The following SAP130 variants were observed in gnomAD, a reference collection of about 807,000 sequenced individuals.
The protein encoded by SAP130 is Sin3A associated protein 130.
In SAP130, 16 loss-of-function variants were observed where a neutral mutation model predicts 103.2. The ratio of observed to expected loss-of-function variants is 0.16; its 90% CI spans 0.10 to 0.24. The LOEUF is 0.24. Among genes scored for constraint, SAP130 ranks in the 10% least tolerant of loss-of-function variants. The pLI is 1.00. For synonymous variants in SAP130, 477 were observed against 497.0 expected, an observed-to-expected ratio of 0.96 and a Z score of 0.53; for missense variants, 990 against 1,359.7, an observed-to-expected ratio of 0.73 and a Z score of 4.28.
At chr2:128,020,294 G>C (rs915047852) in intron 2 of SAP130, among the ~76,000 whole-genome samples, 2 of 152,190 alleles carry the variant, frequency 1.3e-5, no homozygotes, top group African/African-American at 4.8e-5. Flanking sequence ...TGGTCCCCCA[G>C]AGACCCTTAG....
At position 127,942,612 on chromosome 2, in the gene SAP130, C is replaced by T. The variant is rs2104834184; in HGVS notation, c.2902-75G>A. ...TGTCAACCCCAGGCAAATGAACCCA[C>T]CTTCAATCACCTTTGTAAACTGTCT... On this transcript the variant is annotated intron_variant, in intron 19 of 20. Transcript: ENST00000643581. This position sits in a 1 kb window ranked among gnomAD's most constrained non-coding sequence, Gnocchi z 4.8. 4 of 803,242 alleles carry T rather than the reference C, an allele frequency of 5.0e-6. No homozygotes were observed. Among genetic ancestry groups the T allele is most frequent in the African/African-American group, 1.7e-5 (1 of 59,344 alleles). 49.8% of individuals were successfully genotyped at this position (803,242 alleles called of 1,614,324 possible).
At chr2:128,021,560 CTATAAAACCTCTTTATTGGGGAATAGATT>C (rs1685164498) in intron 2 of SAP130, among the ~76,000 whole-genome samples, 1 of 151,870 alleles carries the variant, frequency 6.6e-6, no homozygotes, top group Non-Finnish European at 1.5e-5. Flanking sequence ...AAATTTTGAT[CTATAAAACCTCTTTATTGGGGAATAGATT>C]ACATAGAATA....
chr2:127,990,802 A>G (rs1027084983), intron 12 of SAP130, among the ~76,000 whole-genome samples: 2 of 151,944 alleles, frequency 1.3e-5, no homozygotes, highest in Admixed American at 6.6e-5. Flanking sequence ...TTAGCTTGGC[A>G]TCATAACACA....
chr2:127,952,046 C>T (rs1187526769), intron 16 of SAP130, among the ~76,000 whole-genome samples: 2 of 152,242 alleles, frequency 1.3e-5, no homozygotes. Flanking sequence ...CACCCACTCT[C>T]GCCTCCTCAA....
chr2:127,981,005 A>G (rs1260438944), intron 14 of SAP130, among the ~76,000 whole-genome samples: 1 of 152,122 alleles, frequency 6.6e-6, no homozygotes, highest in African/African-American at 2.4e-5. Flanking sequence ...GATTCTATCT[A>G]TCCATTGGTT....
intron 18 of SAP130, among the ~76,000 whole-genome samples, chr2:127,948,541 C>G (rs993347014): frequency 9.2e-5 from 14 of 151,902 alleles, no homozygotes; most frequent in Middle Eastern, 6.8e-3. Context: ...AGGGTTTTAC[C>G]ATGTTGGCCA....
At position 128,016,463 on chromosome 2, in the gene SAP130, G is replaced by T. The variant is rs145919807; in HGVS notation, c.433C>A (p.Gln145Lys). The T allele has an allele frequency of 1.2e-6, 2 of 1,614,042 alleles. No homozygotes were observed. Among genetic ancestry groups the T allele is most frequent in the Non-Finnish European group, 1.7e-6 (2 of 1,179,988 alleles). ...CTACTCTCCATGGTAACGGTAACCT[G>T]CCCTGGAACCTTGGGGGGAAGTGAC... ...TLSLPPKVPG[Q>K]VTVTMESSIP... is the part of the protein sequence containing the mutation. Residue 145 changes from glutamine to lysine, a missense_variant, in exon 4 of 21, where the codon CAG becomes AAG. By Grantham distance (53) the Gln-to-Lys change is moderately conservative. Transcript: ENST00000643581.
chr2:128,019,056 G>A (rs1477731306), intron 2 of SAP130, among the ~76,000 whole-genome samples: 3 of 151,776 alleles, frequency 2.0e-5, no homozygotes, highest in East Asian at 1.9e-4. Flanking sequence ...CTGAGATTGC[G>A]CCACTGCACT....
At chr2:128,017,948 C>A in intron 2 of SAP130, 33 bp from the exon 3 acceptor site, 1 of 1,549,906 alleles carries the variant, frequency 6.5e-7, no homozygotes, top group South Asian at 1.1e-5. Context: ...GACAGTATGT[C>A]ACAGTCTCCC....
intron 15 of SAP130, among the ~76,000 whole-genome samples, chr2:127,963,680 T>C (rs1680426590): frequency 6.6e-6 from 1 of 152,230 alleles, no homozygotes; most frequent in Non-Finnish European, 1.5e-5. Flanking sequence ...GGGAGATGAC[T>C]GAATCACGGG....
At position 127,993,097 on chromosome 2, in the gene SAP130, C is replaced by T. The variant is rs1230042434; in HGVS notation, c.1477+90G>A. 5 of 1,432,910 alleles carry T rather than the reference C, an allele frequency of 3.5e-6. No homozygotes were observed. In the East Asian group the frequency reaches 1.1e-4, roughly 33 times the overall value. 88.8% of individuals were successfully genotyped at this position (1,432,910 alleles called of 1,614,324 possible). On this transcript the variant is annotated intron_variant, in intron 12 of 20. Coordinates refer to ENST00000643581, the MANE Select transcript of SAP130 (RefSeq NM_001330301.2). ...GAAAACAGAAGCTGAAATAATTAAT[C>T]TCATACAAAAAATAACCCCTCATCA... is the stretch of plus-strand genomic sequence containing the variant.
chr2:128,027,238 G>T, intron 1 of SAP130: 2 of 1,190,224 alleles, frequency 1.7e-6, no homozygotes, highest in East Asian at 3.6e-5. Flanking sequence ...CTGCTGTCCA[G>T]CCCCGCTGGC....
At chr2:127,984,232 A>G (rs1193066414) in intron 14 of SAP130, among the ~76,000 whole-genome samples, 9 of 152,140 alleles carry the variant, frequency 5.9e-5, no homozygotes, top group Admixed American at 5.9e-4. Context: ...TTTGCATAGC[A>G]CTGTGTTACT....
chr2:128,010,155 TTA>T, intron 7 of SAP130, 112 bp downstream of exon 7: 2 of 1,158,408 alleles, frequency 1.7e-6, no homozygotes, highest in East Asian at 4.9e-5. Context: ...ACATAGCTCA[TTA>T]TAAAAAAAAA....
intron 16 of SAP130, among the ~76,000 whole-genome samples, chr2:127,950,630 G>C (rs1023778917): frequency 6.6e-6 from 1 of 152,178 alleles, no homozygotes; most frequent in Non-Finnish European, 1.5e-5. Context: ...GACGTCCTTT[G>C]ACAAGGACAC....
In SAP130 at chr2:127,942,269, A is replaced by T; in HGVS notation, c.3016-105T>A. 1 of 1,195,356 alleles carries T rather than the reference A, an allele frequency of 8.4e-7. No individual in the cohort carries two copies. Among genetic ancestry groups the T allele is most frequent in the Non-Finnish European group, 1.2e-6 (1 of 837,326 alleles). 74.0% of individuals were successfully genotyped at this position (1,195,356 alleles called of 1,614,324 possible). A position where few individuals can be genotyped will look rare whatever the true frequency, so the allele number is the denominator to read the frequency against. ...GAGGCCATGTTGAGGCTTCCACAACAGAGAAAATGTCTTTTTGTTTCTCAG... is the reference window on the plus strand; with the variant it reads ...GAGGCCATGTTGAGGCTTCCACAACTGAGAAAATGTCTTTTTGTTTCTCAG... On this transcript the variant is annotated intron_variant, in intron 20 of 20. Coordinates refer to ENST00000643581, the MANE Select transcript of SAP130 (RefSeq NM_001330301.2). This position sits in a 1 kb window ranked among gnomAD's most constrained non-coding sequence, Gnocchi z 4.8.
At chr2:128,012,497 G>A (rs992500076) in intron 6 of SAP130, among the ~76,000 whole-genome samples, 25 of 151,942 alleles carry the variant, frequency 1.6e-4, no homozygotes, top group Non-Finnish European at 1.6e-4. Context: ...ACAAAAAAAC[G>A]CAGTGGCTCT....
intron 14 of SAP130, among the ~76,000 whole-genome samples, chr2:127,982,877 G>A (rs1267167967): frequency 1.3e-5 from 2 of 152,140 alleles, no homozygotes; most frequent in Non-Finnish European, 2.9e-5. Context: ...GGAGGCTGCT[G>A]GGGTCCCTCT....
rs1678764478 is a variant in SAP130, at chr2:127,942,305, T to A, written c.3015+119A>T. 4 of 1,086,206 alleles carry A rather than the reference T, an allele frequency of 3.7e-6. No homozygotes were observed. The South Asian group carries it at 5.8e-5, about 16-fold the overall frequency. 67.3% of individuals were successfully genotyped at this position (1,086,206 alleles called of 1,614,324 possible). On this transcript the variant is annotated intron_variant, in intron 20 of 20. Coordinates refer to ENST00000643581, the MANE Select transcript of SAP130 (RefSeq NM_001330301.2). This position sits in a 1 kb window ranked among gnomAD's most constrained non-coding sequence, Gnocchi z 4.8. The stretch of plus-strand genomic sequence containing the variant: ...CTTTTTGTTTCTCAGGAGTGCAGGC[T>A]GAAGCACGTATGTTTTTACTGAAGA...
Sources: gnomAD v4.1 joint callset for allele counts (sites outside exome capture counted in the v4.1 genomes callset) on GRCh38, gnomAD v4.1.1 for gene constraint, Gnocchi (gnomAD v3.1) non-coding constraint, MANE v1.5 for transcripts, NCBI Gene and HGNC (gene_info 2026-07-23, HGNC 2026-07-21) for gene names.